Variants in TEX10 observed in about 807,000 individuals in gnomAD.
TEX10 encodes the protein testis-expressed protein 10.
TEX10 carries 24 observed loss-of-function variants against 104.4 expected under a neutral mutation model. The ratio of observed to expected loss-of-function variants is 0.23; its 90% CI spans 0.17 to 0.32. The LOEUF (loss-of-function observed/expected upper bound fraction) is 0.32. Ranked by LOEUF, TEX10 falls within the 10% of genes least tolerant of loss-of-function variation. TEX10 has a pLI of 1.00. For missense variants in TEX10, 921 were observed against 1,083.9 expected (o/e 0.85, Z 2.11); for synonymous variants, 396 against 393.4 (o/e 1.01, Z -0.08).
chr9:100,326,572 G>T, intron 8 of TEX10, 93 bp from the exon 9 acceptor site: 2 of 1,239,046 alleles, frequency 1.6e-6, no homozygotes, highest in South Asian at 1.8e-5. Flanking sequence ...TTGAATTATG[G>T]GCTAACATTT....
chr9:100,312,293 G>A (rs1338905256), intron 11 of TEX10, among the ~76,000 whole-genome samples: 1 of 152,164 alleles, frequency 6.6e-6, no homozygotes, highest in Non-Finnish European at 1.5e-5. Flanking sequence ...TGGATTTGGT[G>A]GGAGTGCTGA....
chr9:100,327,582 A>C (rs1834739821), intron 8 of TEX10, among the ~76,000 whole-genome samples: 1 of 152,116 alleles, frequency 6.6e-6, no homozygotes. Context: ...AGAATGCAAT[A>C]AGCATCAACA....
At chr9:100,352,384 A>T in intron 1 of TEX10, 4 of 1,551,734 alleles carry the variant, frequency 2.6e-6, no homozygotes, top group Non-Finnish European at 3.5e-6. Flanking sequence ...CCCACTCCGT[A>T]TTCGGTCCTG....
At chr9:100,333,240 A>C (rs1834915075) in intron 5 of TEX10, among the ~76,000 whole-genome samples, 1 of 152,144 alleles carries the variant, frequency 6.6e-6, no homozygotes, top group Admixed American at 6.5e-5. Context: ...CTGGGATTAC[A>C]GGTGTGAGCC....
At chr9:100,313,340 C>T (rs537873399) in intron 11 of TEX10, among the ~76,000 whole-genome samples, 1 of 151,610 alleles carries the variant, frequency 6.6e-6, no homozygotes, top group South Asian at 2.1e-4. Context: ...CATGGTGAAA[C>T]CCTGTCTCTA....
intron 4 of TEX10, 64 bp downstream of exon 4, chr9:100,346,008 G>T: frequency 1.3e-6 from 2 of 1,518,950 alleles, no homozygotes; most frequent in Non-Finnish European, 1.8e-6. Context: ...AGCTGATTTC[G>T]AATCTTGCCA....
intron 13 of TEX10, 63 bp from the exon 14 acceptor site, chr9:100,303,905 A>T: frequency 1.3e-6 from 2 of 1,487,240 alleles, no homozygotes; most frequent in Non-Finnish European, 1.9e-6. Context: ...CCCCCCTTCT[A>T]TATTCCCCCA....
intron 13 of TEX10, chr9:100,307,943 T>G (rs1475231845): frequency 6.6e-6 from 1 of 152,218 alleles, no homozygotes; most frequent in East Asian, 1.9e-4. Flanking sequence ...TACAATGAAC[T>G]TTTAATGGGC....
intron 9 of TEX10, among the ~76,000 whole-genome samples, chr9:100,324,325 C>T (rs900747398): frequency 2.6e-5 from 4 of 152,090 alleles, no homozygotes; most frequent in Non-Finnish European, 5.9e-5. Context: ...TGAGCCACTG[C>T]GCCTGGCTAG....
chr9:100,302,933 C>T (rs896153337), intron 14 of TEX10, among the ~76,000 whole-genome samples: 2 of 145,784 alleles, frequency 1.4e-5, no homozygotes, highest in South Asian at 4.5e-4. Flanking sequence ...TAACCGCCCC[C>T]CCCCCAAACT....
intron 4 of TEX10, among the ~76,000 whole-genome samples, chr9:100,341,800 T>C (rs1387155288): frequency 1.3e-5 from 2 of 152,216 alleles, no homozygotes; most frequent in African/African-American, 2.4e-5. Context: ...AGGACAGGAC[T>C]GGTCATCCAA....
chr9:100,335,060 C>A (rs1834973516), intron 5 of TEX10, among the ~76,000 whole-genome samples: 1 of 152,080 alleles, frequency 6.6e-6, no homozygotes, highest in African/African-American at 2.4e-5. Context: ...AAAATCTAGT[C>A]CATTCCAGGA....
At chr9:100,352,647 C>G in intron 1 of TEX10, 125 bp downstream of exon 1, 1 of 1,435,900 alleles carries the variant, frequency 7.0e-7, no homozygotes, top group Non-Finnish European at 9.1e-7. Flanking sequence ...CGGCCCAGAC[C>G]CGGGGGACGC....
intron 11 of TEX10, among the ~76,000 whole-genome samples, chr9:100,316,015 C>T (rs1386138911): frequency 6.6e-6 from 1 of 152,178 alleles, no homozygotes; most frequent in Non-Finnish European, 1.5e-5. Flanking sequence ...AATCTTTCTT[C>T]CCCTTGGGAA....
intron 2 of TEX10, among the ~76,000 whole-genome samples, chr9:100,347,750 C>A (rs1203538574): frequency 1.3e-5 from 2 of 152,138 alleles, no homozygotes; most frequent in Non-Finnish European, 2.9e-5. Flanking sequence ...ATACTCTTGA[C>A]AGGCCGTTTC....
At position 100,321,751 on chromosome 9, in the gene TEX10, T is replaced by C; in HGVS notation, c.2000A>G (p.Lys667Arg). The C allele has an allele frequency of 6.2e-7, 1 of 1,612,302 alleles. No homozygotes were observed. The highest frequency in any genetic ancestry group is 1.1e-5 in the South Asian group (1 of 91,016). ...LHMRSSFSGW[K>R]YSAKDWLMSD... ...CATCAACCAGTCTTTAGCTGAATAC[T>C]TCCACCCAGAAAATGATGATCTATA... Residue 667 changes from lysine to arginine, a missense_variant, in exon 10 of 15, where the codon AAG (lysine) becomes AGG (arginine). By Grantham distance (26) the Lys-to-Arg change is conservative. Transcript: ENST00000374902.
intron 7 of TEX10, 81 bp downstream of exon 7, chr9:100,329,059 T>A: frequency 7.4e-7 from 1 of 1,355,946 alleles, no homozygotes; most frequent in Non-Finnish European, 9.9e-7. Flanking sequence ...AAAGATTTAA[T>A]CTCTCTAAAA....
At chr9:100,303,575 C>G in intron 14 of TEX10, 57 bp downstream of exon 14, 5 of 1,583,982 alleles carry the variant, frequency 3.2e-6, no homozygotes, top group Non-Finnish European at 3.5e-6. Context: ...CCCATGCCCC[C>G]GTCATAAATT....
Position 100,302,208 on chromosome 9 carries a change from G to A in TEX10, c.2773C>T (p.Leu925=), listed in dbSNP as rs753210570. ...ITGHPQGPSA[L]ATVY ...TGGCCTCTTCAATACACTGTAGCCA[G>A]TGCACTGGGCCCTTGGGGATGCCCA... is the stretch of plus-strand genomic sequence containing the variant. The change falls in exon 15 of 15, where the codon CTG becomes TTG. Residue 925 remains leucine (L), a synonymous_variant. Coordinates refer to ENST00000374902, the MANE Select transcript of TEX10 (RefSeq NM_017746.4). 6.2e-7 allele frequency: 1 copy of A among 1,609,040 alleles called. No individual in the cohort carries two copies. Among genetic ancestry groups the A allele is most frequent in the South Asian group, 1.1e-5 (1 of 90,338 alleles).
Sources: gnomAD v4.1 joint callset for allele counts (sites outside exome capture counted in the v4.1 genomes callset) on GRCh38, gnomAD v4.1.1 for gene constraint, MANE v1.5 for transcripts, NCBI Gene and HGNC (gene_info 2026-07-23, HGNC 2026-07-21) for gene names.